OGDHL: variants seen among roughly 807,000 people sequenced by gnomAD.
OGDHL encodes the protein 2-oxoglutarate dehydrogenase-like, mitochondrial.
OGDHL carries 79 observed loss-of-function variants against 109.6 expected under a neutral mutation model. The ratio of observed to expected loss-of-function variants is 0.72; its 90% confidence interval spans 0.60 to 0.87. The LOEUF (loss-of-function observed/expected upper bound fraction) is 0.87. Ranked by LOEUF, OGDHL falls within the 40% of genes least tolerant of loss-of-function variation. The pLI is 0.00. For missense variants in OGDHL, 1,275 were observed against 1,362.2 expected, an observed-to-expected ratio of 0.94 and a Z score of 1.01; for synonymous variants, 528 against 537.2, an observed-to-expected ratio of 0.98 and a Z score of 0.24.
chr10:49,760,107 C>A (rs1843178214), intron 1 of OGDHL, among the ~76,000 whole-genome samples: 1 of 152,248 alleles, frequency 6.6e-6, no homozygotes, highest in African/African-American at 2.4e-5. Flanking sequence ...GGTGATGTCA[C>A]CTCAATGGAG....
chr10:49,745,219 A>G, intron 12 of OGDHL, 125 bp downstream of exon 12: 1 of 1,263,560 alleles, frequency 7.9e-7, no homozygotes, highest in Non-Finnish European at 1.1e-6. Flanking sequence ...TCTTGGGGAC[A>G]AGGACCATAG....
At chr10:49,760,428 T>C (rs977684932) in intron 1 of OGDHL, among the ~76,000 whole-genome samples, 31 of 152,262 alleles carry the variant, frequency 2.0e-4, no homozygotes, top group Admixed American at 7.8e-4. Context: ...CTGACTATCC[T>C]AGAGGCCTGG....
chr10:49,736,533 C>T lies in OGDHL; in HGVS notation c.2591-13G>A, dbSNP rs759829381. 80 of 1,611,150 alleles carry T rather than the reference C, an allele frequency of 5.0e-5. 1 individual carries two copies. In the South Asian group the frequency reaches 8.4e-4, roughly 17 times the overall value. Reference sequence around the variant, plus strand: ...TGGAAGCTGGTCCCTGAGGGACCAACAGGACATGGCAGAGGCGTTGGTACC... The same window carrying T: ...TGGAAGCTGGTCCCTGAGGGACCAATAGGACATGGCAGAGGCGTTGGTACC... On this transcript the variant is annotated splice_polypyrimidine_tract_variant and intron_variant, in intron 20 of 22. Transcript: ENST00000374103.
intron 15 of OGDHL, 57 bp from the exon 16 acceptor site, chr10:49,740,894 C>T (rs1841604390): frequency 6.2e-7 from 1 of 1,605,976 alleles, no homozygotes; most frequent in African/African-American, 1.3e-5. Flanking sequence ...CACCTGTTCA[C>T]CTGGAGCAGG....
rs1842089326 is a variant in OGDHL, at chr10:49,745,246, T to C, written c.1629+98A>G. The C allele has an allele frequency of 4.8e-6, 7 of 1,461,102 alleles. No individual in the cohort carries two copies. The East Asian group carries it at 1.6e-4, about 33-fold the overall frequency. 90.5% of individuals were successfully genotyped at this position (1,461,102 alleles called of 1,614,324 possible). ...GGACCATAGTGGCTACTTCTTTAAATCCTTAGTGCCCAGCACTGGGCTGGT... is the reference window on the plus strand; with the variant it reads ...GGACCATAGTGGCTACTTCTTTAAACCCTTAGTGCCCAGCACTGGGCTGGT... On this transcript the variant is annotated intron_variant, in intron 12 of 22. Transcript: ENST00000374103.
Position 49,735,177 on chromosome 10 carries a change from C to G in OGDHL, c.*51G>C. 1.3e-6 allele frequency: 2 copies of G among 1,580,006 alleles called. No homozygotes were observed. The highest frequency in any genetic ancestry group is 1.7e-6 in the Non-Finnish European group (2 of 1,163,746). Reference sequence around the variant, plus strand: ...TCCGCCCCTCCCCTTTTCATCACCCCCTTGGTCCCCAGCAAACCCACAGCG... The same window carrying G: ...TCCGCCCCTCCCCTTTTCATCACCCGCTTGGTCCCCAGCAAACCCACAGCG... On this transcript the variant is annotated 3_prime_UTR_variant, in exon 23 of 23. Coordinates refer to ENST00000374103, the MANE Select transcript of OGDHL (RefSeq NM_018245.3).
At chr10:49,756,115 T>C (rs1479079349) in intron 3 of OGDHL, among the ~76,000 whole-genome samples, 1 of 152,252 alleles carries the variant, frequency 6.6e-6, no homozygotes, top group Non-Finnish European at 1.5e-5. Flanking sequence ...ACCCTAGCCT[T>C]GCTGTGGCTT....
intron 4 of OGDHL, 112 bp from the exon 5 acceptor site, chr10:49,752,360 C>A: frequency 1.2e-6 from 1 of 832,852 alleles, no homozygotes; most frequent in East Asian, 2.6e-5. Flanking sequence ...AGTGCCCTCC[C>A]TCTGGGTCCA....
rs1283480792 is a variant in OGDHL, at chr10:49,740,773, G to C, written c.2077C>G (p.Leu693Val). Residue 693 changes from leucine to valine, a missense_variant, in exon 16 of 23, where the codon CTC becomes GTC. Transcript: ENST00000374103. Reference protein sequence around the residue: ...DRRTCVPMNHLWPDQAPYTVC... With the variant: ...DRRTCVPMNHVWPDQAPYTVC... ...GTGTACGGGGCCTGGTCAGGCCAGAGATGATTCATAGGCACACACGTCCTG... is the reference window on the plus strand; with the variant it reads ...GTGTACGGGGCCTGGTCAGGCCAGACATGATTCATAGGCACACACGTCCTG... 6.2e-7 allele frequency: 1 copy of C among 1,613,866 alleles called. No homozygotes were observed. Among genetic ancestry groups the C allele is most frequent in the Admixed American group, 1.7e-5 (1 of 60,000 alleles).
chr10:49,748,332 C>A (rs1842342344), intron 8 of OGDHL, among the ~76,000 whole-genome samples: 1 of 152,188 alleles, frequency 6.6e-6, no homozygotes, highest in Admixed American at 6.5e-5. Flanking sequence ...CCCATGGCCT[C>A]TTAGAAATAA....
chr10:49,749,052 T>C (rs920960813), intron 8 of OGDHL, among the ~76,000 whole-genome samples: 6 of 151,888 alleles, frequency 4.0e-5, no homozygotes, highest in Non-Finnish European at 8.8e-5. Context: ...CTACTAAAAA[T>C]ACAAAAATTA....
At chr10:49,750,391 A>T (rs965839565) in intron 7 of OGDHL, among the ~76,000 whole-genome samples, 1 of 152,160 alleles carries the variant, frequency 6.6e-6, no homozygotes, top group Non-Finnish European at 1.5e-5. Context: ...AGGTCAAGGG[A>T]ACACGCAGTC....
chr10:49,735,967 G>GC lies in OGDHL; in HGVS notation c.2909+55dup, dbSNP rs1458487216. Reference sequence around the variant, plus strand: ...TAGCATGGCCTATGGGACAGATGGAGCCAGGACAGAGCCTCAGGGCCGAGG... The same window carrying GC: ...TAGCATGGCCTATGGGACAGATGGAGCCCAGGACAGAGCCTCAGGGCCGAGG... On this transcript the variant is annotated intron_variant, in intron 22 of 22. Coordinates refer to ENST00000374103, the MANE Select transcript of OGDHL (RefSeq NM_018245.3). 2.6e-6 allele frequency: 4 copies of GC among 1,518,580 alleles called. No homozygotes were observed. In the African/African-American group the frequency reaches 5.5e-5, roughly 21 times the overall value. The allele number at this position is 1,518,580 out of a possible 1,614,324, so 94.1% of individuals were successfully genotyped here.
chr10:49,750,396 G>A (rs1361005199), intron 7 of OGDHL, among the ~76,000 whole-genome samples: 5 of 152,124 alleles, frequency 3.3e-5, no homozygotes, highest in Admixed American at 1.3e-4. Flanking sequence ...AAGGGAACAC[G>A]CAGTCAGCTT....
rs180714461 is a variant in OGDHL, at chr10:49,735,688, A to G, written c.2909+335T>C. ...CCCTCTCCCATCTTCCCAGGAACACATGATGCCAGTATTGGGAACGCACCA... is the reference window on the plus strand; with the variant it reads ...CCCTCTCCCATCTTCCCAGGAACACGTGATGCCAGTATTGGGAACGCACCA... On this transcript the variant is annotated intron_variant, in intron 22 of 22. Transcript: ENST00000374103. 7.2e-5 allele frequency among the ~76,000 whole-genome samples: 11 copies of G among 152,318 alleles called. No individual in the cohort carries two copies. In the East Asian group the frequency reaches 2.1e-3, roughly 29 times the overall value.
chr10:49,749,599 C>A (rs1247171495), intron 8 of OGDHL, 127 bp downstream of exon 8: 7 of 785,982 alleles, frequency 8.9e-6, no homozygotes, highest in South Asian at 1.8e-5. Context: ...CTCTCTCCTG[C>A]AGGCTTCTCC....
chr10:49,749,576 G>A, intron 8 of OGDHL, 150 bp downstream of exon 8: 1 of 682,198 alleles, frequency 1.5e-6, no homozygotes, highest in South Asian at 2.0e-5. Context: ...GGGTCCTCAG[G>A]CAAACACCCA....
intron 16 of OGDHL, among the ~76,000 whole-genome samples, chr10:49,740,227 G>A (rs1437684687): frequency 1.3e-5 from 2 of 151,936 alleles, no homozygotes; most frequent in African/African-American, 2.4e-5. Flanking sequence ...CAGTGAGGAC[G>A]AGGTGAGCCA....
In OGDHL at chr10:49,736,028, G is replaced by A; in HGVS notation, c.2904C>T (p.Pro968=). 1 of 1,579,274 alleles carries A rather than the reference G, an allele frequency of 6.3e-7. No homozygotes were observed. Among genetic ancestry groups the A allele is most frequent in the Non-Finnish European group, 8.6e-7 (1 of 1,163,874 alleles). ...RFMTILRRAR[P]IWYVGRDPAA... ...TCAGCGGCCCCACCATGTACCATATGGGCCGTGCGCGCCTCAGGATGGTCA... is the reference window on the plus strand; with the variant it reads ...TCAGCGGCCCCACCATGTACCATATAGGCCGTGCGCGCCTCAGGATGGTCA... The change falls in exon 22 of 23, where the codon CCC becomes CCT. Residue 968 remains proline, a synonymous_variant. Transcript: ENST00000374103.
Sources: allele counts gnomAD v4.1 joint callset (sites outside exome capture counted in the v4.1 genomes callset), GRCh38; gene constraint gnomAD v4.1.1; transcripts MANE v1.5; gene names NCBI Gene and HGNC (gene_info 2026-07-23, HGNC 2026-07-21).